Variants in ARL17B observed in about 807,000 individuals in gnomAD.
The protein encoded by ARL17B is ADP-ribosylation factor-like protein 17.
chr17:46,286,881 A>G (rs1170128377), intron 4 of ARL17B, among the ~76,000 whole-genome samples: 5 of 152,226 alleles, frequency 3.3e-5, no homozygotes, highest in Non-Finnish European at 7.3e-5. Context: ...AGATGTACAC[A>G]TCCATTTTCT....
At chr17:46,275,711 T>C (rs2049566872) in intron 4 of ARL17B, among the ~76,000 whole-genome samples, 1 of 152,220 alleles carries the variant, frequency 6.6e-6, no homozygotes, top group Non-Finnish European at 1.5e-5. Context: ...AATAGAGACA[T>C]TTACAGAAGC....
In ARL17B at chr17:46,306,216, C is replaced by CT. The variant is rs751634681; in HGVS notation, c.260-6552dup. 8.1e-3 allele frequency: 1,473 copies of CT among 181,026 alleles called. 4 individuals carry two copies. The highest frequency in any genetic ancestry group is 0.012 in the Middle Eastern group (5 of 420). 11.2% of individuals were successfully genotyped at this position (181,026 alleles called of 1,614,324 possible). ...AATTTTTTTTTTCTTTGGCTTGTGT[C>CT]TTTTTTTTTTAGAAATCTTAGTTGC... On this transcript the variant is annotated intron_variant, in intron 3 of 4. Transcript: ENST00000434041.
At chr17:46,286,843 C>T (rs2732614) in intron 4 of ARL17B, among the ~76,000 whole-genome samples, 18,395 of 152,136 alleles carry the variant, frequency 0.12, no homozygotes, top group Non-Finnish European at 0.18. Context: ...CTCACTGCTG[C>T]CCTCTTGTGC....
chr17:46,349,014 AT>A (rs1309445191), intron 3 of ARL17B, among the ~76,000 whole-genome samples: 3 of 109,686 alleles, frequency 2.7e-5, no homozygotes, highest in Non-Finnish European at 5.3e-5. Flanking sequence ...ACAGTTTTCA[AT>A]GGATGCTAAA....
chr17:46,313,944 G>T, intron 3 of ARL17B, among the ~76,000 whole-genome samples: 1 of 37,130 alleles, frequency 2.7e-5, no homozygotes, highest in African/African-American at 6.3e-5. Context: ...GGATACTCTG[G>T]ATATTAGACC....
chr17:46,290,373 A>G (rs1209400577), intron 4 of ARL17B, among the ~76,000 whole-genome samples: 3 of 121,452 alleles, frequency 2.5e-5, no homozygotes, highest in African/African-American at 7.7e-5. Context: ...TGATCCACCC[A>G]CCTCAGCCTT....
At chr17:46,288,193 G>A (rs748351364) in intron 4 of ARL17B, among the ~76,000 whole-genome samples, 1 of 152,030 alleles carries the variant, frequency 6.6e-6, no homozygotes, top group Non-Finnish European at 1.5e-5. Context: ...CCAGGCTGCA[G>A]GGCAGGGGCA....
In ARL17B at chr17:46,283,463, G is replaced by A. The variant is rs2049824304; in HGVS notation, c.*22-8045C>T. ...AATTCCATTTAAGATTCCCAGTTGA[G>A]TCACTACATCAATGAACCCAAAAGT... On this transcript the variant is annotated intron_variant, in intron 4 of 4. Transcript: ENST00000570618. Among the ~76,000 whole-genome samples the A allele has an allele frequency of 2.0e-5, 3 of 152,338 alleles. No individual in the cohort carries two copies. The South Asian group carries it at 6.2e-4, about 32-fold the overall frequency.
Position 46,281,942 on chromosome 17 carries a change from C to A in ARL17B, c.*22-6524G>T, listed in dbSNP as rs2049773454. ...TACAGGCATGAGCCATCACGCCTAG[C>A]CTAGTTTTACAGATTTTGTAGTTTC... On this transcript the variant is annotated intron_variant, in intron 4 of 4. Coordinates refer to the ARL17B transcript ENST00000570618. Among the ~76,000 whole-genome samples the A allele has an allele frequency of 2.0e-5, 3 of 152,212 alleles. No homozygotes were observed. The South Asian group carries it at 6.2e-4, about 31-fold the overall frequency.
intron 4 of ARL17B, among the ~76,000 whole-genome samples, chr17:46,277,991 G>C (rs1427200157): frequency 2.0e-5 from 3 of 151,884 alleles, no homozygotes; most frequent in Non-Finnish European, 4.4e-5. Flanking sequence ...TGTCGCCCAG[G>C]CTGAAGTGTA....
chr17:46,277,945 G>A (rs563633961), intron 4 of ARL17B, among the ~76,000 whole-genome samples: 1 of 150,094 alleles, frequency 6.7e-6, no homozygotes, highest in African/African-American at 2.4e-5. Flanking sequence ...CCTGGTCTGG[G>A]TAGATTTTTT....
rs1359397669 is a variant in ARL17B, at chr17:46,317,211, T to C, written c.260-17546A>G. Among the ~76,000 whole-genome samples the C allele has an allele frequency of 2.4e-5, 2 of 82,020 alleles. 1 individual carries two copies. The highest frequency in any genetic ancestry group is 6.3e-5 in the African/African-American group (2 of 31,990). The allele number at this position is 82,020 out of a possible 152,430, so 53.8% of individuals were successfully genotyped here. On this transcript the variant is annotated intron_variant, in intron 3 of 4. Coordinates refer to the ARL17B transcript ENST00000434041. ...TGCCCAGTTAGTTTTAAATTTTTTG[T>C]AGAGACAGGGTTTTACTCTATTGCC...
chr17:46,275,392 G>A, exon 5 of ARL17B: 2 of 1,004,900 alleles, frequency 2.0e-6, no homozygotes, highest in South Asian at 1.3e-5. Context: ...TTAGGAAGCT[G>A]TAGACTGCAG....
chr17:46,332,497 G>A (rs2052016183), downstream of ARL17B: 4 of 1,085,984 alleles, frequency 3.7e-6, no homozygotes, highest in Admixed American at 6.4e-5. Flanking sequence ...GGAATACTGG[G>A]GTTTTGAATA....
intron 4 of ARL17B, among the ~76,000 whole-genome samples, chr17:46,287,942 T>C (rs527736116): frequency 6.6e-6 from 1 of 152,314 alleles, no homozygotes; most frequent in African/African-American, 2.4e-5. Context: ...AGGCACAGTG[T>C]AGGAACATCA....
At chr17:46,288,897 G>A (rs1598082080) in intron 4 of ARL17B, among the ~76,000 whole-genome samples, 1 of 152,110 alleles carries the variant, frequency 6.6e-6, no homozygotes, top group East Asian at 1.9e-4. Flanking sequence ...TAGAGACAGG[G>A]TTTCACCATG....
At chr17:46,280,295 C>T (rs1216880140) in intron 4 of ARL17B, among the ~76,000 whole-genome samples, 2 of 152,158 alleles carry the variant, frequency 1.3e-5, no homozygotes, top group Non-Finnish European at 2.9e-5. Flanking sequence ...ACGCGGGAAG[C>T]GGAGGTTGCA....
At chr17:46,285,451 A>G (rs978511418) in intron 4 of ARL17B, among the ~76,000 whole-genome samples, 2 of 152,090 alleles carry the variant, frequency 1.3e-5, no homozygotes, top group Non-Finnish European at 2.9e-5. Flanking sequence ...CATGTTGGCC[A>G]GTCTGGTCTC....
chr17:46,275,545 A>C (rs2049562281), intron 4 of ARL17B: 14 of 532,084 alleles, frequency 2.6e-5, no homozygotes, highest in South Asian at 2.3e-4. Flanking sequence ...TTGGCAAGCG[A>C]ATAGAAAAGA....
Sources: allele counts gnomAD v4.1 joint callset (sites outside exome capture counted in the v4.1 genomes callset), GRCh38; gene constraint gnomAD v4.1.1; transcripts MANE v1.5; gene names NCBI Gene and HGNC (gene_info 2026-07-23, HGNC 2026-07-21).